CD46: variants seen among roughly 807,000 people sequenced by gnomAD.
The protein encoded by CD46 is CD46 molecule.
Under a neutral mutation model 53.3 loss-of-function variants are expected in CD46, and 30 were observed. The ratio of observed to expected loss-of-function variants is 0.56; its 90% CI spans 0.42 to 0.76. The LOEUF is 0.76. Ranked by LOEUF, CD46 falls within the 30% of genes least tolerant of loss-of-function variation. The probability of loss-of-function intolerance (pLI) is 0.00; values close to 1 mark genes in which losing one functional copy is unlikely to be tolerated. For missense variants in CD46, 409 were observed against 463.0 expected (o/e 0.88, Z 1.07); for synonymous variants, 142 against 152.0 (o/e 0.93, Z 0.48).
intron 7 of CD46, chr1:207,770,053 A>G (rs1431544833): frequency 2.3e-6 from 1 of 425,626 alleles, no homozygotes; most frequent in Non-Finnish European, 4.3e-6. Flanking sequence ...GGCGTGAGCC[A>G]CCACACCCAT....
Position 207,785,585 on chromosome 1 carries a change from A to G in CD46, c.1019-34A>G. 4 of 1,494,360 alleles carry G rather than the reference A, an allele frequency of 2.7e-6. 1 individual carries two copies. Among genetic ancestry groups the G allele is most frequent in the Non-Finnish European group, 3.7e-6 (4 of 1,071,586 alleles). 92.6% of individuals were successfully genotyped at this position (1,494,360 alleles called of 1,614,324 possible). On this transcript the variant is annotated intron_variant, in intron 10 of 12. Transcript: ENST00000367042. ...TTGAATCTTGGTGATTAGTTTTCAGAATTATATGTCATTTGTTTCCTGGTT... is the reference window on the plus strand; with the variant it reads ...TTGAATCTTGGTGATTAGTTTTCAGGATTATATGTCATTTGTTTCCTGGTT...
At position 207,752,454 on chromosome 1, in the gene CD46, G is replaced by C. The variant is rs1048304288; in HGVS notation, c.97+145G>C. The C allele has an allele frequency of 3.8e-5, 31 of 807,270 alleles. No individual in the cohort carries two copies. The African/African-American group carries it at 5.2e-4, about 14-fold the overall frequency. 50.0% of individuals were successfully genotyped at this position (807,270 alleles called of 1,614,324 possible). On this transcript the variant is annotated intron_variant, in intron 1 of 12. Coordinates refer to ENST00000367042, the MANE Select transcript of CD46 (RefSeq NM_172351.3). The surrounding 1 kb of genome is among the most constrained non-coding windows in gnomAD (Gnocchi z 4.1). Reference sequence around the variant, plus strand: ...GGGGTGCAGTGCTCAGATCCCGGGGGTATGTGGCGGGGAATGCGGGGACCA... The same window carrying C: ...GGGGTGCAGTGCTCAGATCCCGGGGCTATGTGGCGGGGAATGCGGGGACCA...
At chr1:207,787,134 C>T (rs1659342508) in intron 11 of CD46, among the ~76,000 whole-genome samples, 2 of 152,090 alleles carry the variant, frequency 1.3e-5, no homozygotes, top group Admixed American at 1.3e-4. Flanking sequence ...TGCAATGGCG[C>T]AATCTTGGCT....
At chr1:207,767,937 G>T in intron 7 of CD46, 114 bp downstream of exon 7, 1 of 868,422 alleles carries the variant, frequency 1.2e-6, no homozygotes, top group Non-Finnish European at 1.9e-6. Flanking sequence ...ATGAAAGGAG[G>T]GAGGACATTT....
At chr1:207,765,623 T>TG (rs1656750917) in intron 5 of CD46, among the ~76,000 whole-genome samples, 1 of 152,112 alleles carries the variant, frequency 6.6e-6, no homozygotes, top group Non-Finnish European at 1.5e-5. Context: ...TGCCACTAAA[T>TG]ACCTATTGGA....
At chr1:207,753,151 G>A (rs1181373822) in intron 1 of CD46, among the ~76,000 whole-genome samples, 1 of 152,094 alleles carries the variant, frequency 6.6e-6, no homozygotes, top group African/African-American at 2.4e-5. Flanking sequence ...TTGCCTAATG[G>A]CTTTTTGACA....
intron 10 of CD46, among the ~76,000 whole-genome samples, 170 bp downstream of exon 10, chr1:207,785,276 G>T (rs1054874640): frequency 6.6e-6 from 1 of 152,156 alleles, no homozygotes; most frequent in Non-Finnish European, 1.5e-5. Flanking sequence ...CCTTGTGTTA[G>T]TGATTTTATA....
chr1:207,776,212 T>G (rs919935250), intron 8 of CD46, among the ~76,000 whole-genome samples: 1 of 152,226 alleles, frequency 6.6e-6, no homozygotes, highest in Non-Finnish European at 1.5e-5. Flanking sequence ...GTCTGCTGGT[T>G]GTTAAGACTG....
chr1:207,759,463 C>T (rs1474962864), intron 3 of CD46, among the ~76,000 whole-genome samples, 176 bp from the exon 4 acceptor site: 1 of 152,198 alleles, frequency 6.6e-6, no homozygotes, highest in Non-Finnish European at 1.5e-5. Context: ...TGGGGAAACT[C>T]TATTTGATTA....
intron 8 of CD46, among the ~76,000 whole-genome samples, chr1:207,778,427 T>C (rs1211669608): frequency 6.6e-6 from 1 of 151,716 alleles, no homozygotes; most frequent in Non-Finnish European, 1.5e-5. Context: ...GGGTTTTACA[T>C]GCAAATCTTT....
At chr1:207,761,157 C>T in intron 4 of CD46, 92 bp from the exon 5 acceptor site, 1 of 778,966 alleles carries the variant, frequency 1.3e-6, no homozygotes, top group Non-Finnish European at 2.2e-6. Context: ...TTGTAGAAAC[C>T]CTATATTGAC....
At chr1:207,754,854 G>A (rs1344090247) in intron 1 of CD46, among the ~76,000 whole-genome samples, 1 of 72,504 alleles carries the variant, frequency 1.4e-5, no homozygotes, top group Non-Finnish European at 3.0e-5. Flanking sequence ...AAAACAAAAG[G>A]ACTTTTTTTT....
Position 207,793,580 on chromosome 1 carries a change from C to T in CD46, c.*103C>T. ...GACTAAATCAACCACTCCAGCAGAG[C>T]AGAGAGGCTGAATAGATTCCACAAC... On this transcript the variant is annotated 3_prime_UTR_variant, in exon 13 of 13. Transcript: ENST00000367042. 2 of 1,613,720 alleles carry T rather than the reference C, an allele frequency of 1.2e-6. No individual in the cohort carries two copies. Among genetic ancestry groups the T allele is most frequent in the Non-Finnish European group, 1.7e-6 (2 of 1,179,618 alleles).
intron 4 of CD46, 108 bp from the exon 5 acceptor site, chr1:207,761,141 A>G (rs1210830778): frequency 1.5e-5 from 10 of 682,120 alleles, no homozygotes; most frequent in Admixed American, 7.6e-5. Flanking sequence ...TGAATTCACA[A>G]ACAGCTTGTA....
Position 207,769,947 on chromosome 1 carries a change from G to A in CD46, c.902-374G>A, listed in dbSNP as rs182313128. 2.4e-4 allele frequency: 50 copies of A among 205,968 alleles called. No homozygotes were observed. In the East Asian group the frequency reaches 6.1e-3, roughly 25 times the overall value. 12.8% of individuals were successfully genotyped at this position (205,968 alleles called of 1,614,324 possible). On this transcript the variant is annotated intron_variant, in intron 7 of 12. Transcript: ENST00000367042. ...TGCCGGCTAATTTTTTGTATTTTTA[G>A]TAGAGACGGGGTTTCTCCATGATGG... is the stretch of plus-strand genomic sequence containing the variant.
At chr1:207,766,380 G>C (rs1296522253) in intron 5 of CD46, among the ~76,000 whole-genome samples, 3 of 152,128 alleles carry the variant, frequency 2.0e-5, no homozygotes, top group African/African-American at 7.2e-5. Flanking sequence ...CTGAAGACAG[G>C]TGAATAGAAA....
At position 207,759,017 on chromosome 1, in the gene CD46, G is replaced by A. The variant is rs185769135; in HGVS notation, c.390-622G>A. On this transcript the variant is annotated intron_variant, in intron 3 of 12. Coordinates refer to ENST00000367042, the MANE Select transcript of CD46 (RefSeq NM_172351.3). ...ATCAGGGAAGATTTCATTGAGTATA[G>A]GGGTATACTTAATGAAAGTATTCTT... Among the ~76,000 whole-genome samples the A allele has an allele frequency of 1.9e-4, 29 of 152,280 alleles. 1 individual carries two copies. The highest frequency in any genetic ancestry group is 1.0e-4 in the Non-Finnish European group (7 of 68,006).
Position 207,793,992 on chromosome 1 carries a change from A to C in CD46, c.*515A>C. The C allele has an allele frequency of 4.9e-6, 1 of 202,388 alleles. No homozygotes were observed. The highest frequency in any genetic ancestry group is 1.0e-5 in the Non-Finnish European group (1 of 96,826). The allele number at this position is 202,388 out of a possible 1,614,324, so 12.5% of individuals were successfully genotyped here. A position where few individuals can be genotyped will look rare whatever the true frequency, so the allele number is the denominator to read the frequency against. On this transcript the variant is annotated 3_prime_UTR_variant, in exon 13 of 13. Coordinates refer to ENST00000367042, the MANE Select transcript of CD46 (RefSeq NM_172351.3). ...AACTCTTAAGATTATTCTTTCACCA[A>C]CTATAGAATGTATTTTATATATCGT...
At chr1:207,779,446 C>G (rs1658474790) in intron 8 of CD46, among the ~76,000 whole-genome samples, 1 of 152,008 alleles carries the variant, frequency 6.6e-6, no homozygotes, top group Non-Finnish European at 1.5e-5. Flanking sequence ...TAGATTTATT[C>G]TCATACTTTC....
Sources: allele counts gnomAD v4.1 joint callset (sites outside exome capture counted in the v4.1 genomes callset), GRCh38; gene constraint gnomAD v4.1.1; non-coding constraint Gnocchi (gnomAD v3.1); transcripts MANE v1.5; gene names NCBI Gene and HGNC (gene_info 2026-07-23, HGNC 2026-07-21).